Variants in MYO18B observed in about 807,000 individuals in gnomAD.
The protein encoded by MYO18B is myosin XVIIIB, also known as unconventional myosin-XVIIIb.
MYO18B carries 204 observed loss-of-function variants against 273.0 expected under a neutral mutation model. The observed-to-expected ratio is 0.75, with a 90% CI of 0.67 to 0.84. The LOEUF is 0.84. MYO18B is among the 40% of genes least tolerant of loss of function. The pLI is 0.00. For missense variants in MYO18B, 3,212 were observed against 3,287.6 expected (o/e 0.98, Z 0.56); for synonymous variants, 1,330 against 1,305.7 (o/e 1.02, Z -0.40).
At chr22:26,052,165 G>T in the MYO18B span, among the ~76,000 whole-genome samples, 1 of 152,186 alleles carries the variant, frequency 6.6e-6, no homozygotes, top group Admixed American at 6.5e-5. Flanking sequence ...ATTGGGTGTG[G>T]TTTTTCACTA....
rs775850346 is a variant in MYO18B, at chr22:25,898,307, C to A, written c.4669C>A (p.Leu1557Ile). The change falls in exon 29 of 44, where the codon CTT (leucine) becomes ATT (isoleucine). Residue 1557 changes from leucine (L) to isoleucine (I), a missense_variant and splice_region_variant. Leu to Ile is a conservative substitution (Grantham distance 5). Transcript: ENST00000335473. ...GTAATTCATTCTATTACTCTTACAG[C>A]TTGGGGAGTTGCAAAGTGCTTATGA... Reference protein sequence around the residue: ...LTARKELEQKLGELQSAYDGA... With the variant: ...LTARKELEQKIGELQSAYDGA... The A allele has an allele frequency of 3.1e-6, 5 of 1,612,930 alleles. No individual in the cohort carries two copies. Among genetic ancestry groups the A allele is most frequent in the Admixed American group, 1.7e-5 (1 of 59,874 alleles).
At chr22:25,802,661 G>A (rs532846321) in intron 12 of MYO18B, among the ~76,000 whole-genome samples, 4 of 150,262 alleles carry the variant, frequency 2.7e-5, no homozygotes, top group Non-Finnish European at 5.9e-5. Context: ...GCTGAGGCAG[G>A]AGAATGGCGT....
At chr22:26,009,053 C>T (rs776720585) in intron 42 of MYO18B, among the ~76,000 whole-genome samples, 2 of 152,190 alleles carry the variant, frequency 1.3e-5, no homozygotes, top group African/African-American at 2.4e-5. Context: ...ATCGGGCAGT[C>T]GCTGTTCTCA....
intron 1 of MYO18B, among the ~76,000 whole-genome samples, chr22:25,749,373 A>G (rs1323115291): frequency 6.6e-6 from 1 of 152,212 alleles, no homozygotes; most frequent in African/African-American, 2.4e-5. Context: ...GTGATTTAGG[A>G]ACACAGAGAT....
At chr22:25,771,941 C>G (rs923822839) in intron 6 of MYO18B, among the ~76,000 whole-genome samples, 2 of 152,212 alleles carry the variant, frequency 1.3e-5, no homozygotes, top group Non-Finnish European at 2.9e-5. Flanking sequence ...TTGAGAGCTT[C>G]CTCGTAAGAC....
chr22:25,887,940 T>C (rs545549998), intron 25 of MYO18B, among the ~76,000 whole-genome samples: 147 of 152,316 alleles, frequency 9.7e-4, no homozygotes, highest in African/African-American at 3.4e-3. Flanking sequence ...AACACAGTCC[T>C]GGTGCTTGGA....
In MYO18B at chr22:25,999,945, G is replaced by A. The variant is rs140328675; in HGVS notation, c.6288-3320G>A. On this transcript the variant is annotated intron_variant, in intron 40 of 43. Coordinates refer to ENST00000335473, the MANE Select transcript of MYO18B (RefSeq NM_032608.7). ...TGGGATTACAGGCATGAGCCACCAC[G>A]CCTGGCCAAGTTCTTTTTTTAAAAA... Among the ~76,000 whole-genome samples the A allele has an allele frequency of 6.5e-3, 983 of 152,240 alleles. 5 individuals are homozygous for A. The highest frequency in any genetic ancestry group is 0.023 in the African/African-American group (936 of 41,560).
intron 15 of MYO18B, among the ~76,000 whole-genome samples, chr22:25,830,270 A>AT (rs536173910): frequency 2.0e-4 from 30 of 148,666 alleles, no homozygotes; most frequent in South Asian, 6.5e-4. Flanking sequence ...CTGACCCTCA[A>AT]TTTTTTTTTT....
At chr22:25,806,808 C>G (rs879267548) in intron 12 of MYO18B, among the ~76,000 whole-genome samples, 3 of 152,278 alleles carry the variant, frequency 2.0e-5, no homozygotes, top group Non-Finnish European at 4.4e-5. Context: ...GGAGAGCTGG[C>G]TTCCCAGAAC....
rs367581364 is a variant in MYO18B at position 26,027,461 on chromosome 22, C to T, written c.7487C>T (p.Pro2496Leu). The T allele has an allele frequency of 5.1e-5, 83 of 1,613,776 alleles. No individual in the cohort carries two copies. The highest frequency in any genetic ancestry group is 1.6e-4 in the Middle Eastern group (1 of 6,084). Residue 2496 changes from proline (P) to leucine (L), a missense_variant, in exon 43 of 44, where the codon CCG becomes CTG. Pro to Leu is a moderately conservative substitution (Grantham distance 98). Transcript: ENST00000335473. The surrounding 1 kb of genome is among the most constrained non-coding windows in gnomAD (Gnocchi z 4.1). ...ATCAAGACCATTTTGAAGAAGAGCCCGGAGCCCAAGGAGGATCCCGCTCAC... is the reference window on the plus strand; with the variant it reads ...ATCAAGACCATTTTGAAGAAGAGCCTGGAGCCCAAGGAGGATCCCGCTCAC... ...SGIKTILKKSPEPKEDPAHLS... is the reference protein window; with the variant it reads ...SGIKTILKKSLEPKEDPAHLS...
chr22:25,971,030 G>C lies in MYO18B; in HGVS notation c.6156+15666G>C, dbSNP rs182497618. On this transcript the variant is annotated intron_variant, in intron 39 of 43. Transcript: ENST00000335473. ...GATGCTCTGATCCAGGGACTGGCAA[G>C]TATTTTCTGTAGAGGGACAGGTAGT... 4.0e-4 allele frequency among the ~76,000 whole-genome samples: 61 copies of C among 152,348 alleles called. 1 individual carries two copies. Among genetic ancestry groups the C allele is most frequent in the Admixed American group, 2.9e-3 (45 of 15,310 alleles).
intron 42 of MYO18B, 121 bp from the exon 43 acceptor site, chr22:26,026,324 T>C: frequency 8.9e-7 from 1 of 1,128,364 alleles, no homozygotes; most frequent in Non-Finnish European, 1.3e-6. Context: ...GAGAGTGCGG[T>C]AGGGATGGTA....
intron 18 of MYO18B, among the ~76,000 whole-genome samples, chr22:25,844,912 C>T (rs1397641550): frequency 6.6e-6 from 1 of 152,236 alleles, no homozygotes; most frequent in African/African-American, 2.4e-5. Flanking sequence ...GGCAGTCGCT[C>T]TCCCTCATCT....
At chr22:26,052,128 G>A in the MYO18B span, among the ~76,000 whole-genome samples, 1 of 152,176 alleles carries the variant, frequency 6.6e-6, no homozygotes. Flanking sequence ...TCTTCTTGTT[G>A]TTTTAGTAGA....
At chr22:25,798,187 AG>A (rs2088014876) in intron 12 of MYO18B, 90 bp downstream of exon 12, 5 of 1,422,088 alleles carry the variant, frequency 3.5e-6, no homozygotes, top group Middle Eastern at 4.9e-4. Context: ...CGGTGGGAAC[AG>A]GGTCAATCTG....
At chr22:25,835,475 G>A (rs1414703622) in intron 17 of MYO18B, 32 bp downstream of exon 17, 3 of 1,612,400 alleles carry the variant, frequency 1.9e-6, no homozygotes, top group Non-Finnish European at 2.5e-6. Flanking sequence ...GATGGGGCCT[G>A]AGTCCAGCCT....
chr22:25,896,010 A>AT (rs2091791210), intron 28 of MYO18B, among the ~76,000 whole-genome samples: 1 of 151,406 alleles, frequency 6.6e-6, no homozygotes, highest in Non-Finnish European at 1.5e-5. Flanking sequence ...AGGAGATTTA[A>AT]TTTTTTTAAC....
chr22:26,027,082 A>C lies in MYO18B; in HGVS notation c.7108A>C (p.Thr2370Pro). Residue 2370 changes from threonine (T) to proline (P), a missense_variant, in exon 43 of 44, where the codon ACA becomes CCA. Physicochemically the swap from Thr to Pro is conservative, Grantham distance 38. Transcript: ENST00000335473. The surrounding 1 kb of genome is among the most constrained non-coding windows in gnomAD (Gnocchi z 4.1). ...SMGRKLSSPTTPRDMLLSPTL... is the reference protein window; with the variant it reads ...SMGRKLSSPTPPRDMLLSPTL... ...GGGGAGAAAACTGAGCTCTCCGACC[A>C]CACCCAGGGACATGCTGTTGTCGCC... is the stretch of plus-strand genomic sequence containing the variant. The C allele has an allele frequency of 6.2e-7, 1 of 1,613,996 alleles. No individual in the cohort carries two copies. The highest frequency in any genetic ancestry group is 8.5e-7 in the Non-Finnish European group (1 of 1,179,892).
intron 42 of MYO18B, among the ~76,000 whole-genome samples, chr22:26,007,739 G>C (rs971742386): frequency 6.6e-6 from 1 of 152,142 alleles, no homozygotes; most frequent in Non-Finnish European, 1.5e-5. Context: ...TCTGCAGAGG[G>C]AAATATCTTA....
Sources: allele counts gnomAD v4.1 joint callset (sites outside exome capture counted in the v4.1 genomes callset), GRCh38; gene constraint gnomAD v4.1.1; non-coding constraint Gnocchi (gnomAD v3.1); transcripts MANE v1.5; gene names NCBI Gene and HGNC (gene_info 2026-07-23, HGNC 2026-07-21).